CLSTN2: variants seen among roughly 807,000 people sequenced by gnomAD.
CLSTN2 encodes the protein calsyntenin 2.
Under a neutral mutation model 101.2 loss-of-function variants are expected in CLSTN2, and 48 were observed. The observed-to-expected ratio is 0.47, with a 90% confidence interval of 0.38 to 0.60. The LOEUF (loss-of-function observed/expected upper bound fraction) is 0.60, where lower values mean the gene tolerates loss of function less well. Among genes scored for constraint, CLSTN2 ranks in the 20% least tolerant of loss-of-function variants. The probability of loss-of-function intolerance (pLI) is 0.00; values close to 1 mark genes in which losing one functional copy is unlikely to be tolerated. For synonymous variants in CLSTN2, 481 were observed against 463.6 expected (o/e 1.04, Z -0.48); for missense variants, 1,160 against 1,238.2 (o/e 0.94, Z 0.95).
intron 1 of CLSTN2, among the ~76,000 whole-genome samples, chr3:140,099,768 G>A (rs2008934111): frequency 6.6e-6 from 1 of 152,190 alleles, no homozygotes; most frequent in African/African-American, 2.4e-5. Flanking sequence ...AGCTGGTACA[G>A]CAGATAAAAT....
At chr3:140,052,441 CCA>C (rs2008015183) in intron 1 of CLSTN2, among the ~76,000 whole-genome samples, 1 of 152,200 alleles carries the variant, frequency 6.6e-6, no homozygotes, top group Admixed American at 6.5e-5. Flanking sequence ...CAGGCATAAG[CCA>C]CCGCACCTGG....
chr3:140,473,901 G>A lies in CLSTN2; in HGVS notation c.1344+7170G>A, dbSNP rs184000449. Among the ~76,000 whole-genome samples the A allele has an allele frequency of 2.2e-4, 34 of 152,158 alleles. 1 individual carries two copies. The highest frequency in any genetic ancestry group is 3.4e-4 in the Non-Finnish European group (23 of 67,984). On this transcript the variant is annotated intron_variant, in intron 8 of 16. Coordinates refer to ENST00000458420, the MANE Select transcript of CLSTN2 (RefSeq NM_022131.3). ...GCCTCCTGAGTAGCTGGGACTACAG[G>A]CACCCGCTACCACGCCAGGCTAATT...
chr3:140,457,535 T>C (rs1440369752), intron 6 of CLSTN2, among the ~76,000 whole-genome samples: 1 of 152,080 alleles, frequency 6.6e-6, no homozygotes, highest in Non-Finnish European at 1.5e-5. Flanking sequence ...CTGTGGAGGG[T>C]GGTATTAAAG....
At chr3:140,092,199 G>A (rs1289151777) in intron 1 of CLSTN2, among the ~76,000 whole-genome samples, 1 of 152,142 alleles carries the variant, frequency 6.6e-6, no homozygotes, top group Admixed American at 6.5e-5. Flanking sequence ...TTAGGAATTG[G>A]GATGCTGTCT....
chr3:140,493,195 A>T (rs1032967002), intron 8 of CLSTN2, among the ~76,000 whole-genome samples: 2 of 152,136 alleles, frequency 1.3e-5, no homozygotes, highest in African/African-American at 4.8e-5. Flanking sequence ...TAATTATTCC[A>T]TTCTCTCACA....
intron 2 of CLSTN2, among the ~76,000 whole-genome samples, chr3:140,216,609 G>A (rs1341584097): frequency 2.6e-5 from 4 of 152,174 alleles, no homozygotes; most frequent in African/African-American, 9.7e-5. Context: ...TGGTTCTTGG[G>A]TGTTGAGACC....
intron 8 of CLSTN2, among the ~76,000 whole-genome samples, chr3:140,467,201 T>G (rs983906409): frequency 6.6e-6 from 1 of 152,192 alleles, no homozygotes; most frequent in Non-Finnish European, 1.5e-5. Context: ...TGCTCTTTTC[T>G]GAAGTGGAAA....
intron 2 of CLSTN2, among the ~76,000 whole-genome samples, chr3:140,372,175 C>T (rs1413468072): frequency 6.6e-6 from 1 of 152,176 alleles, no homozygotes; most frequent in Non-Finnish European, 1.5e-5. Flanking sequence ...CCGTGCTCCT[C>T]GTAGTATCCG....
At chr3:140,515,846 T>C (rs1307609047) in intron 8 of CLSTN2, among the ~76,000 whole-genome samples, 1 of 152,194 alleles carries the variant, frequency 6.6e-6, no homozygotes, top group East Asian at 1.9e-4. Flanking sequence ...AAATATCTGT[T>C]AAGTCCATTC....
chr3:140,544,959 G>T (rs1057284575), intron 9 of CLSTN2, among the ~76,000 whole-genome samples: 3 of 152,024 alleles, frequency 2.0e-5, no homozygotes, highest in Non-Finnish European at 4.4e-5. Flanking sequence ...GAAGGTATAT[G>T]GATCTAGATT....
chr3:139,949,128 C>A (rs1219595941), intron 1 of CLSTN2, among the ~76,000 whole-genome samples: 2 of 152,188 alleles, frequency 1.3e-5, no homozygotes, highest in African/African-American at 4.8e-5. Flanking sequence ...CTGGGGCACT[C>A]CCCTCCCTTC....
At chr3:140,029,766 G>A (rs1259212847) in intron 1 of CLSTN2, among the ~76,000 whole-genome samples, 1 of 152,052 alleles carries the variant, frequency 6.6e-6, no homozygotes, top group African/African-American at 2.4e-5. Flanking sequence ...TTCACCTCTT[G>A]TCTTGGGAGC....
At chr3:140,243,472 G>A (rs1230735639) in intron 2 of CLSTN2, among the ~76,000 whole-genome samples, 3 of 152,224 alleles carry the variant, frequency 2.0e-5, no homozygotes, top group East Asian at 3.9e-4. Flanking sequence ...ATGCAAGTTT[G>A]GGGGAACATG....
chr3:140,398,758 T>C (rs115219571), intron 2 of CLSTN2, among the ~76,000 whole-genome samples: 21 of 152,362 alleles, frequency 1.4e-4, no homozygotes, highest in African/African-American at 3.4e-4. Context: ...TGAATTAGCT[T>C]ACTTTGTTGT....
intron 1 of CLSTN2, among the ~76,000 whole-genome samples, chr3:139,999,226 A>G (rs1356130644): frequency 6.6e-6 from 1 of 152,194 alleles, no homozygotes. Context: ...CAAGTTTGTT[A>G]CATGGGAATA....
intron 5 of CLSTN2, among the ~76,000 whole-genome samples, chr3:140,427,307 C>T (rs1576561686): frequency 6.7e-6 from 1 of 148,838 alleles, no homozygotes; most frequent in South Asian, 2.1e-4. Context: ...AGTAGATAGA[C>T]TCAGTGGACC....
At chr3:140,362,361 G>C (rs2087738414) in intron 2 of CLSTN2, among the ~76,000 whole-genome samples, 1 of 152,030 alleles carries the variant, frequency 6.6e-6, no homozygotes, top group East Asian at 1.9e-4. Flanking sequence ...AAAACCTATA[G>C]ACTAAAACAC....
At chr3:139,979,202 C>A (rs1290766170) in intron 1 of CLSTN2, among the ~76,000 whole-genome samples, 1 of 152,026 alleles carries the variant, frequency 6.6e-6, no homozygotes, top group African/African-American at 2.4e-5. Flanking sequence ...TGACTGTGGG[C>A]CTCCGTGCCT....
chr3:140,560,393 G>T (rs1421262382), intron 12 of CLSTN2, among the ~76,000 whole-genome samples: 1 of 152,088 alleles, frequency 6.6e-6, no homozygotes, highest in Non-Finnish European at 1.5e-5. Flanking sequence ...TCACACCTTT[G>T]CTCTGCTCTC....
Sources: gnomAD v4.1 joint callset for allele counts (sites outside exome capture counted in the v4.1 genomes callset) on GRCh38, gnomAD v4.1.1 for gene constraint, MANE v1.5 for transcripts, NCBI Gene and HGNC (gene_info 2026-07-23, HGNC 2026-07-21) for gene names.